USP42: variants seen among roughly 807,000 people sequenced by gnomAD.
USP42 encodes the protein ubiquitin specific peptidase 42.
In USP42, 23 loss-of-function variants were observed where a neutral mutation model predicts 113.0. That is an observed-to-expected ratio of 0.20 (90% CI 0.15 to 0.29). The LOEUF (loss-of-function observed/expected upper bound fraction) is 0.29, where lower values mean the gene tolerates loss of function less well. Among genes scored for constraint, USP42 ranks in the 10% least tolerant of loss-of-function variants. USP42 has a pLI of 1.00. For synonymous variants in USP42, 933 were observed against 699.0 expected (o/e 1.33, Z -5.28); for missense variants, 2,174 against 1,779.8 (o/e 1.22, Z -3.99).
chr7:6,085,624 A>ATATATT, the USP42 span, among the ~76,000 whole-genome samples: 4 of 138,334 alleles, frequency 2.9e-5, no homozygotes, highest in Non-Finnish European at 4.5e-5. Context: ...ATATATATAT[A>ATATATT]TTTTTTTTGA....
upstream of USP42, among the ~76,000 whole-genome samples, chr7:6,100,743 G>A (rs545871782): frequency 4.7e-5 from 7 of 148,626 alleles, no homozygotes; most frequent in Non-Finnish European, 1.0e-4. Flanking sequence ...TAGTGCAGTG[G>A]TGCAAGCCCA....
intron 14 of USP42, among the ~76,000 whole-genome samples, chr7:6,151,733 G>T (rs1284746655): frequency 3.3e-5 from 5 of 152,168 alleles, no homozygotes; most frequent in Non-Finnish European, 7.3e-5. Context: ...GTGAGCCACC[G>T]TGCCCGGCCA....
chr7:6,159,184 T>C lies in USP42; in HGVS notation c.3944-266T>C, dbSNP rs1782630597. Among the ~76,000 whole-genome samples the C allele has an allele frequency of 6.6e-6, 1 of 152,210 alleles. No individual in the cohort carries two copies. The highest frequency in any genetic ancestry group is 1.5e-5 in the Non-Finnish European group (1 of 68,036). ...GCTCTGTTCCGCCCAGTTCAGTTCT[T>C]GGGCCTGATATCTGTTCTAACATCA... On this transcript the variant is annotated intron_variant, in intron 16 of 17. Transcript: ENST00000306177. The surrounding 1 kb of genome is among the most constrained non-coding windows in gnomAD (Gnocchi z 4.1).
the USP42 span, among the ~76,000 whole-genome samples, chr7:6,085,774 C>T: frequency 5.3e-5 from 8 of 150,714 alleles, 1 homozygote; most frequent in African/African-American, 2.0e-4. Flanking sequence ...GCCATCATGC[C>T]TGGCTAAATT....
Position 6,150,864 on chromosome 7 carries a change from T to G in USP42, c.2201+358T>G, listed in dbSNP as rs1362021364. Among the ~76,000 whole-genome samples, 4 of 152,166 alleles carry G rather than the reference T, an allele frequency of 2.6e-5. No homozygotes were observed. In the South Asian group the frequency reaches 6.2e-4, roughly 24 times the overall value. On this transcript the variant is annotated intron_variant, in intron 14 of 17. Coordinates refer to ENST00000306177, the MANE Select transcript of USP42 (RefSeq NM_032172.3). Reference sequence around the variant, plus strand: ...GTGTGCTGAGGGTCTAGGCCAGGGCTCTCAGTCCTGTGAAGAAGCACATAC... The same window carrying G: ...GTGTGCTGAGGGTCTAGGCCAGGGCGCTCAGTCCTGTGAAGAAGCACATAC...
the USP42 span, among the ~76,000 whole-genome samples, chr7:6,094,742 C>G: frequency 6.6e-6 from 1 of 150,968 alleles, no homozygotes; most frequent in Non-Finnish European, 1.5e-5. Flanking sequence ...CCTCCACCCT[C>G]AGCCCCACCA....
At chr7:6,112,904 T>C (rs1046565369) in intron 2 of USP42, among the ~76,000 whole-genome samples, 21 of 145,492 alleles carry the variant, frequency 1.4e-4, no homozygotes, top group East Asian at 2.0e-4. Context: ...AAGTTTCTTT[T>C]TTTTTTTTTT....
chr7:6,130,630 A>T (rs116999260), intron 3 of USP42, among the ~76,000 whole-genome samples: 1 of 152,082 alleles, frequency 6.6e-6, no homozygotes, highest in Non-Finnish European at 1.5e-5. Context: ...GTGCCTTGCT[A>T]CAGCCTGTTG....
At position 6,156,754 on chromosome 7, in the gene USP42, G is replaced by A; in HGVS notation, c.3642G>A (p.Arg1214=). 6.5e-7 allele frequency: 1 copy of A among 1,531,364 alleles called. No individual in the cohort carries two copies. Among genetic ancestry groups the A allele is most frequent in the South Asian group, 1.3e-5 (1 of 76,220 alleles). The allele number at this position is 1,531,364 out of a possible 1,614,324, so 94.9% of individuals were successfully genotyped here. ...TGAATTCTGGCTTTTCCTTCTGCAG[G>A]CATCAGCAGGACTCAGACCTCTCAG... is the stretch of plus-strand genomic sequence containing the variant. ...SKDKHRDRDS[R]HQQDSDLSAA... is the part of the protein sequence containing the mutation. Residue 1214 remains arginine (R), a splice_region_variant and synonymous_variant, in exon 16 of 18, where the codon AGG becomes AGA. Transcript: ENST00000306177.
Position 6,156,811 on chromosome 7 carries a change from C to T in USP42, c.3699C>T (p.His1233=). Residue 1233 remains histidine, a synonymous_variant, in exon 16 of 18, where the codon CAC becomes CAT. Transcript: ENST00000306177. ...GCTCTGACGCTGACCTCCACAGACA[C>T]AAAAAAAAGAAGAAGAAAAAGAAGA... ...AACSDADLHR[H]KKKKKKKKRH... 1 of 1,603,930 alleles carries T rather than the reference C, an allele frequency of 6.2e-7. No individual in the cohort carries two copies. The highest frequency in any genetic ancestry group is 8.5e-7 in the Non-Finnish European group (1 of 1,176,640).
chr7:6,086,176 C>T, the USP42 span, among the ~76,000 whole-genome samples: 1 of 149,494 alleles, frequency 6.7e-6, no homozygotes. Flanking sequence ...CCTGGGATTA[C>T]AGGAGCCTGC....
rs551646921 is a variant in USP42 at position 6,156,096 on chromosome 7, A to G, written c.3642-658A>G. ...TTGGTGATTGTCTTGAAAATGACGT[A>G]TCCATGATGAGATGGATGAGCAGGA... On this transcript the variant is annotated intron_variant, in intron 15 of 17. Coordinates refer to ENST00000306177, the MANE Select transcript of USP42 (RefSeq NM_032172.3). Among the ~76,000 whole-genome samples, 3 of 152,346 alleles carry G rather than the reference A, an allele frequency of 2.0e-5. No homozygotes were observed. The East Asian group carries it at 5.8e-4, about 29-fold the overall frequency.
At chr7:6,103,503 G>A (rs935122595), upstream of USP42, among the ~76,000 whole-genome samples, 86 of 144,558 alleles carry the variant, frequency 5.9e-4, 3 homozygotes, top group African/African-American at 2.1e-3. Context: ...GGCCATAAGA[G>A]CAAACTCCGT....
Position 6,139,482 on chromosome 7 carries a change from A to G in USP42, c.656+288A>G. On this transcript the variant is annotated intron_variant, in intron 5 of 17. Transcript: ENST00000306177. The surrounding 1 kb of genome is among the most constrained non-coding windows in gnomAD (Gnocchi z 4.5). Reference sequence around the variant, plus strand: ...TCTCATTATCAGCAGACGTCTGCAGATCTCAAACTAGCTGCTTCTCCTTTC... The same window carrying G: ...TCTCATTATCAGCAGACGTCTGCAGGTCTCAAACTAGCTGCTTCTCCTTTC... 1 of 269,350 alleles carries G rather than the reference A, an allele frequency of 3.7e-6. No homozygotes were observed. The highest frequency in any genetic ancestry group is 8.2e-5 in the East Asian group (1 of 12,144). 16.7% of individuals were successfully genotyped at this position (269,350 alleles called of 1,614,324 possible).
At chr7:6,100,004 C>CTGTTTTTAT (rs1554332998), upstream of USP42, among the ~76,000 whole-genome samples, 283 of 144,330 alleles carry the variant, frequency 2.0e-3, 18 homozygotes, top group African/African-American at 6.7e-3. Context: ...TTTCACAAGT[C>CTGTTTTTAT]TATTATTATT....
intron 1 of USP42, among the ~76,000 whole-genome samples, chr7:6,105,946 G>A (rs1779256324): frequency 6.6e-6 from 1 of 152,196 alleles, no homozygotes; most frequent in Non-Finnish European, 1.5e-5. Context: ...CAGCAAAACT[G>A]TTTGAGAAAC....
chr7:6,137,862 G>T (rs897224343), intron 4 of USP42, among the ~76,000 whole-genome samples: 1 of 151,890 alleles, frequency 6.6e-6, no homozygotes, highest in Admixed American at 6.6e-5. Context: ...TGTATTTTTA[G>T]TAGAGATGGG....
In USP42 at chr7:6,158,717, A is replaced by G. The variant is rs1413376677; in HGVS notation, c.3944-733A>G. ...ATTTCAGAATTGGTTTTGCGTTCCC[A>G]TTTCAGCGAATCGGGGAAGGAGATT... On this transcript the variant is annotated intron_variant, in intron 16 of 17. Transcript: ENST00000306177. This position sits in a 1 kb window ranked among gnomAD's most constrained non-coding sequence, Gnocchi z 4.2. 6.6e-6 allele frequency among the ~76,000 whole-genome samples: 1 copy of G among 152,142 alleles called. No individual in the cohort carries two copies. The highest frequency in any genetic ancestry group is 1.5e-5 in the Non-Finnish European group (1 of 68,016).
chr7:6,140,251 T>A, intron 6 of USP42, 56 bp downstream of exon 6: 1 of 1,493,498 alleles, frequency 6.7e-7, no homozygotes. Flanking sequence ...TAAAAAATGG[T>A]AATAGTAGGA....
Sources: gnomAD v4.1 joint callset for allele counts (sites outside exome capture counted in the v4.1 genomes callset) on GRCh38, gnomAD v4.1.1 for gene constraint, Gnocchi (gnomAD v3.1) non-coding constraint, MANE v1.5 for transcripts, NCBI Gene and HGNC (gene_info 2026-07-23, HGNC 2026-07-21) for gene names.